The following KCNIP3 variants were observed in gnomAD, a reference collection of about 807,000 sequenced individuals.
The protein encoded by KCNIP3 is potassium voltage-gated channel interacting protein 3, also known as calsenilin.
A neutral mutation model predicts 35.0 loss-of-function variants in KCNIP3; 28 were observed. The ratio of observed to expected loss-of-function variants is 0.80; its 90% confidence interval spans 0.59 to 1.10. The LOEUF (loss-of-function observed/expected upper bound fraction) is 1.10. Ranked by LOEUF, KCNIP3 falls within the 50% of genes least tolerant of loss-of-function variation. KCNIP3 has a pLI of 0.00. For missense variants in KCNIP3, 295 were observed against 338.4 expected (o/e 0.87, Z 1.01); for synonymous variants, 134 against 133.8 (o/e 1.00, Z -0.01).
chr2:95,308,901 C>T (rs1212127483), intron 1 of KCNIP3, among the ~76,000 whole-genome samples: 1 of 152,242 alleles, frequency 6.6e-6, no homozygotes, highest in Admixed American at 6.5e-5. Context: ...CTGTTATTTA[C>T]TTTGAACAAC....
In KCNIP3 at chr2:95,354,318, C is replaced by A. The variant is rs569319525; in HGVS notation, c.182-19978C>A. ...ATGCCCAACACTGCCTGGCAAGCATCGGGTGTTCAGTAAATGTAAGTTATA... is the reference window on the plus strand; with the variant it reads ...ATGCCCAACACTGCCTGGCAAGCATAGGGTGTTCAGTAAATGTAAGTTATA... On this transcript the variant is annotated intron_variant, in intron 2 of 8. Coordinates refer to ENST00000295225, the MANE Select transcript of KCNIP3 (RefSeq NM_013434.5). Among the ~76,000 whole-genome samples, 6 of 152,346 alleles carry A rather than the reference C, an allele frequency of 3.9e-5. No homozygotes were observed. In the South Asian group the frequency reaches 8.3e-4, roughly 21 times the overall value.
Position 95,384,569 on chromosome 2 carries a change from C to G in KCNIP3, c.*520C>G. On this transcript the variant is annotated 3_prime_UTR_variant, in exon 9 of 9. Coordinates refer to ENST00000295225, the MANE Select transcript of KCNIP3 (RefSeq NM_013434.5). ...CCTCACCTCAGGACCCCAGAGGGAC[C>G]AGCTGGGGGGCAGGGGGGAGAGGGG... The G allele has an allele frequency of 6.5e-6, 1 of 154,678 alleles. No individual in the cohort carries two copies. Among genetic ancestry groups the G allele is most frequent in the East Asian group, 1.9e-4 (1 of 5,280 alleles). The allele number at this position is 154,678 out of a possible 1,614,324, so 9.6% of individuals were successfully genotyped here. A position where few individuals can be genotyped will look rare whatever the true frequency, so the allele number is the denominator to read the frequency against.
chr2:95,355,331 C>G (rs1314903546), intron 2 of KCNIP3: 1 of 152,066 alleles, frequency 6.6e-6, no homozygotes, highest in East Asian at 1.9e-4. Flanking sequence ...GGAGGAGGCG[C>G]TTTCTTTCTT....
At chr2:95,319,229 G>A (rs1468931754) in intron 2 of KCNIP3, among the ~76,000 whole-genome samples, 4 of 152,244 alleles carry the variant, frequency 2.6e-5, no homozygotes, top group Admixed American at 1.3e-4. Flanking sequence ...CCTGCTGTGC[G>A]GAGGCTGGTG....
At chr2:95,314,652 G>A (rs1678407117) in intron 2 of KCNIP3, among the ~76,000 whole-genome samples, 1 of 152,246 alleles carries the variant, frequency 6.6e-6, no homozygotes, top group Non-Finnish European at 1.5e-5. Context: ...GGCCCTTGAT[G>A]CCAGTTGGTC....
intron 1 of KCNIP3, among the ~76,000 whole-genome samples, chr2:95,308,670 C>T (rs752077220): frequency 6.6e-6 from 1 of 152,132 alleles, no homozygotes; most frequent in Non-Finnish European, 1.5e-5. Context: ...CGGGCATGGC[C>T]AGGGCTGGTG....
At chr2:95,319,870 GT>G (rs2104224323) in intron 2 of KCNIP3, among the ~76,000 whole-genome samples, 1 of 152,286 alleles carries the variant, frequency 6.6e-6, no homozygotes, top group South Asian at 2.1e-4. Flanking sequence ...CATAAGCCTC[GT>G]ATTGGATTAG....
At chr2:95,320,015 G>A (rs1678554182) in intron 2 of KCNIP3, among the ~76,000 whole-genome samples, 1 of 152,216 alleles carries the variant, frequency 6.6e-6, no homozygotes, top group African/African-American at 2.4e-5. Context: ...GGGGCTTGCT[G>A]GTCCACCTCT....
intron 2 of KCNIP3, among the ~76,000 whole-genome samples, chr2:95,374,003 G>A (rs1680103719): frequency 6.6e-6 from 1 of 152,238 alleles, no homozygotes; most frequent in Non-Finnish European, 1.5e-5. Flanking sequence ...TGCCTCTTTA[G>A]GACAAGAGCA....
chr2:95,349,490 C>T lies in KCNIP3; in HGVS notation c.182-24806C>T, dbSNP rs534053178. On this transcript the variant is annotated intron_variant, in intron 2 of 8. Coordinates refer to ENST00000295225, the MANE Select transcript of KCNIP3 (RefSeq NM_013434.5). Reference sequence around the variant, plus strand: ...GCAGTCAAAAAGCCTTCCTCTCTGCCCTGGGTCCCCCATCAGTCCCTTTCC... The same window carrying T: ...GCAGTCAAAAAGCCTTCCTCTCTGCTCTGGGTCCCCCATCAGTCCCTTTCC... Among the ~76,000 whole-genome samples, 13 of 152,308 alleles carry T rather than the reference C, an allele frequency of 8.5e-5. No individual in the cohort carries two copies. The East Asian group carries it at 2.5e-3, about 29-fold the overall frequency.
At chr2:95,325,997 ACACT>A (rs1248143010) in intron 2 of KCNIP3, among the ~76,000 whole-genome samples, 4 of 151,814 alleles carry the variant, frequency 2.6e-5, no homozygotes, top group Non-Finnish European at 4.4e-5. Context: ...ACACTCACAC[ACACT>A]CAGACACACA....
intron 2 of KCNIP3, among the ~76,000 whole-genome samples, chr2:95,329,645 G>C (rs957786418): frequency 6.6e-6 from 1 of 152,250 alleles, no homozygotes; most frequent in African/African-American, 2.4e-5. Flanking sequence ...CCGGGAGTGG[G>C]GGGACCCGGG....
chr2:95,352,926 C>T (rs1054138271), intron 2 of KCNIP3, among the ~76,000 whole-genome samples: 6 of 152,238 alleles, frequency 3.9e-5, no homozygotes, highest in African/African-American at 1.4e-4. Context: ...GCCTCCAGTC[C>T]ATGGCTGAAG....
intron 2 of KCNIP3, among the ~76,000 whole-genome samples, chr2:95,337,885 C>A (rs1462429474): frequency 6.6e-6 from 1 of 152,226 alleles, no homozygotes; most frequent in Non-Finnish European, 1.5e-5. Flanking sequence ...GAAAGGCGGG[C>A]AGCTAGGCTG....
chr2:95,355,652 A>G (rs1472251333), intron 2 of KCNIP3, among the ~76,000 whole-genome samples: 1 of 152,136 alleles, frequency 6.6e-6, no homozygotes, highest in Non-Finnish European at 1.5e-5. Flanking sequence ...AGCTTCATCC[A>G]TGTCCCTGCA....
intron 2 of KCNIP3, among the ~76,000 whole-genome samples, chr2:95,327,888 C>A (rs934689691): frequency 6.6e-6 from 1 of 152,242 alleles, no homozygotes; most frequent in Non-Finnish European, 1.5e-5. Context: ...CCTTGCAGGT[C>A]CCCTTCCAAT....
intron 2 of KCNIP3, among the ~76,000 whole-genome samples, chr2:95,359,178 C>A (rs1679730405): frequency 1.3e-5 from 2 of 152,174 alleles, no homozygotes; most frequent in Admixed American, 1.3e-4. Flanking sequence ...CTCATTCCAG[C>A]AGCAACTCAT....
intron 2 of KCNIP3, among the ~76,000 whole-genome samples, chr2:95,365,577 G>A (rs1244710173): frequency 6.6e-6 from 1 of 152,174 alleles, no homozygotes; most frequent in East Asian, 1.9e-4. Context: ...CAGGAGGAGA[G>A]GAAGTGAAGG....
intron 2 of KCNIP3, among the ~76,000 whole-genome samples, chr2:95,339,398 G>A (rs1437244424): frequency 4.0e-5 from 6 of 151,798 alleles, no homozygotes; most frequent in East Asian, 1.9e-4. Context: ...TGGCCAACAC[G>A]GTGAAACCCC....
Sources: allele counts gnomAD v4.1 joint callset (sites outside exome capture counted in the v4.1 genomes callset), GRCh38; gene constraint gnomAD v4.1.1; transcripts MANE v1.5; gene names NCBI Gene and HGNC (gene_info 2026-07-23, HGNC 2026-07-21).